The following EFTUD2 variants were observed in gnomAD, a reference collection of about 807,000 sequenced individuals.
The protein encoded by EFTUD2 is elongation factor Tu GTP binding domain containing 2.
Under a neutral mutation model 114.3 loss-of-function variants are expected in EFTUD2, and 9 were observed. That is an observed-to-expected ratio of 0.08 (90% CI 0.05 to 0.14). The LOEUF (loss-of-function observed/expected upper bound fraction) is 0.14. EFTUD2 is among the 10% of genes least tolerant of loss of function. EFTUD2 has a pLI of 1.00. For missense variants in EFTUD2, 765 were observed against 1,241.2 expected (o/e 0.62, Z 5.76); for synonymous variants, 449 against 462.3 (o/e 0.97, Z 0.37).
chr17:44,854,546 T>TCTG lies in EFTUD2; in HGVS notation c.2259+7_2259+9dup. The TCTG allele has an allele frequency of 6.2e-7, 1 of 1,612,602 alleles. No homozygotes were observed. Among genetic ancestry groups the TCTG allele is most frequent in the Non-Finnish European group, 8.5e-7 (1 of 1,179,022 alleles). ...AGACCGCCACCCAGTTCCCATCAGTTCTGCTGTACCTCAGAGGGCAGAGTA... is the reference window on the plus strand; with the variant it reads ...AGACCGCCACCCAGTTCCCATCAGTTCTGCTGCTGTACCTCAGAGGGCAGAGTA... On this transcript the variant is annotated intron_variant, in intron 22 of 27. Coordinates refer to ENST00000426333, the MANE Select transcript of EFTUD2 (RefSeq NM_004247.4). The surrounding 1 kb of genome is among the most constrained non-coding windows in gnomAD (Gnocchi z 4.3).
intron 2 of EFTUD2, among the ~76,000 whole-genome samples, chr17:44,887,810 C>T (rs183160926): frequency 4.6e-5 from 7 of 152,250 alleles, no homozygotes; most frequent in East Asian, 1.9e-4. Flanking sequence ...GTACACTTTA[C>T]AATTAAATAA....
At chr17:44,888,088 A>G (rs528850759) in intron 2 of EFTUD2, among the ~76,000 whole-genome samples, 54 of 152,340 alleles carry the variant, frequency 3.5e-4, no homozygotes, top group Non-Finnish European at 6.8e-4. Context: ...AGAGCATTCT[A>G]GTCGGCTGGT....
rs1182971593 is a variant in EFTUD2, at chr17:44,851,147, C to G, written c.*127G>C. 5 of 782,194 alleles carry G rather than the reference C, an allele frequency of 6.4e-6. No homozygotes were observed. Among genetic ancestry groups the G allele is most frequent in the Non-Finnish European group, 1.1e-5 (5 of 454,898 alleles). The allele number at this position is 782,194 out of a possible 1,614,324, so 48.5% of individuals were successfully genotyped here. On this transcript the variant is annotated 3_prime_UTR_variant, in exon 28 of 28. Coordinates refer to ENST00000426333, the MANE Select transcript of EFTUD2 (RefSeq NM_004247.4). ...CTGGGTTGGAGGTTGGTGAGTTGTT[C>G]AAGATGGCAACAGCAGCTTCCAGAC...
At chr17:44,885,467 CAT>C (rs1343641418) in intron 3 of EFTUD2, 133 bp from the exon 4 acceptor site, 40 of 621,532 alleles carry the variant, frequency 6.4e-5, no homozygotes, top group Non-Finnish European at 1.1e-4. Context: ...AAGGATCACT[CAT>C]ATGTTGAGAA....
intron 2 of EFTUD2, 102 bp downstream of exon 2, chr17:44,894,315 A>G: frequency 2.1e-6 from 2 of 942,200 alleles, no homozygotes; most frequent in Admixed American, 3.7e-5. Context: ...GGTTGCAGTG[A>G]GCTGAGATTG....
At position 44,889,012 on chromosome 17, in the gene EFTUD2, G is replaced by A. The variant is rs574385634; in HGVS notation, c.106-2262C>T. On this transcript the variant is annotated intron_variant, in intron 2 of 27. Coordinates refer to ENST00000426333, the MANE Select transcript of EFTUD2 (RefSeq NM_004247.4). ...GAAGACGTCTGAGGAATGGAGCCCCGGGCCTGCTGACATTTGGAGGTCAGG... is the reference window on the plus strand; with the variant it reads ...GAAGACGTCTGAGGAATGGAGCCCCAGGCCTGCTGACATTTGGAGGTCAGG... 2.6e-5 allele frequency among the ~76,000 whole-genome samples: 4 copies of A among 152,292 alleles called. No homozygotes were observed. In the South Asian group the frequency reaches 8.3e-4, roughly 32 times the overall value.
At chr17:44,882,631 T>C (rs1000027322) in intron 6 of EFTUD2, among the ~76,000 whole-genome samples, 4 of 152,198 alleles carry the variant, frequency 2.6e-5, no homozygotes, top group African/African-American at 7.2e-5. Flanking sequence ...CTTAGTGTGG[T>C]AAAGGGAGAC....
intron 16 of EFTUD2, among the ~76,000 whole-genome samples, chr17:44,861,212 G>A (rs1034002080): frequency 2.6e-5 from 4 of 151,582 alleles, no homozygotes; most frequent in Non-Finnish European, 4.4e-5. Context: ...AGGCTGAGGT[G>A]GGTGGCTGGA....
rs1045415785 is a variant in EFTUD2 at position 44,856,130 on chromosome 17, CAAAA to C, written c.2045+941_2045+944del. 3.7e-4 allele frequency among the ~76,000 whole-genome samples: 14 copies of C among 37,378 alleles called. No individual in the cohort carries two copies. The East Asian group carries it at 0.014, about 38-fold the overall frequency. 24.5% of individuals were successfully genotyped at this position (37,378 alleles called of 152,430 possible). ...TGGGTGACGAAGTGAGACCCTGTCT[CAAAA>C]AAAAAAAAAAAAAAAAAAAAGCCAC... On this transcript the variant is annotated intron_variant, in intron 20 of 27. Coordinates refer to ENST00000426333, the MANE Select transcript of EFTUD2 (RefSeq NM_004247.4).
chr17:44,863,882 G>A, intron 14 of EFTUD2, 100 bp from the exon 15 acceptor site: 1 of 1,482,120 alleles, frequency 6.7e-7, no homozygotes, highest in Non-Finnish European at 9.1e-7. Flanking sequence ...TCAAAGTGCG[G>A]GGACTGATTG....
intron 23 of EFTUD2, 192 bp from the exon 24 acceptor site, chr17:44,853,827 G>C (rs2050499245): frequency 7.0e-7 from 1 of 1,423,208 alleles, no homozygotes; most frequent in African/African-American, 1.4e-5. Context: ...TTAAGCATAT[G>C]TTCTTAGTGT....
At position 44,850,572 on chromosome 17, in the gene EFTUD2, TG is replaced by T; in HGVS notation, c.*701del. The T allele has an allele frequency of 1.8e-6, 1 of 550,410 alleles. No individual in the cohort carries two copies. 34.1% of individuals were successfully genotyped at this position (550,410 alleles called of 1,614,324 possible). A position where few individuals can be genotyped will look rare whatever the true frequency, so the allele number is the denominator to read the frequency against. On this transcript the variant is annotated 3_prime_UTR_variant, in exon 28 of 28. Coordinates refer to ENST00000426333, the MANE Select transcript of EFTUD2 (RefSeq NM_004247.4). ...TAAATGGCTGGAAATCAAAGTGCTCTGGCCCCCTACTCCAGGGCAAGGAAGA... is the reference window on the plus strand; with the variant it reads ...TAAATGGCTGGAAATCAAAGTGCTCTGCCCCCTACTCCAGGGCAAGGAAGA...
In EFTUD2 at chr17:44,894,474, C is replaced by T. The variant is rs746279184; in HGVS notation, c.48G>A (p.Glu16=). The T allele has an allele frequency of 6.2e-7, 1 of 1,614,218 alleles. No homozygotes were observed. The highest frequency in any genetic ancestry group is 8.5e-7 in the Non-Finnish European group (1 of 1,180,032). The part of the protein sequence containing the change: ...YDEFGNYIGP[E]LDSDEDDDEL... ...CATCATCATCTTCATCAGAATCAAG[C>T]TCTGGTCCAATATAATTCCCAAACT... Residue 16 remains glutamate, a synonymous_variant, in exon 2 of 28, where the codon GAG becomes GAA. Coordinates refer to ENST00000426333, the MANE Select transcript of EFTUD2 (RefSeq NM_004247.4).
chr17:44,867,599 C>T (rs962267063), intron 13 of EFTUD2, among the ~76,000 whole-genome samples: 1 of 151,856 alleles, frequency 6.6e-6, no homozygotes, highest in Non-Finnish European at 1.5e-5. Flanking sequence ...CATGCCCGGG[C>T]CCCTTTCCTT....
chr17:44,874,528 ATGGAGAGGCATTCTTTCAGT>A (rs1269295861), intron 10 of EFTUD2, among the ~76,000 whole-genome samples: 2 of 152,118 alleles, frequency 1.3e-5, no homozygotes, highest in Admixed American at 6.6e-5. Context: ...CAATCCTTAA[ATGGAGAGGCATTCTTTCAGT>A]TGGAGAGGCA....
rs780902273 is a variant in EFTUD2 at position 44,853,602 on chromosome 17, G to A, written c.2381C>T (p.Ala794Val). ...GTGCAGGGGCTCCTGGGCAACCACC[G>A]CATCCAGGATCTTAAACTTGACATT... ...IRNVKFKILD[A>V]VVAQEPLHRG... Residue 794 changes from alanine to valine, a missense_variant, in exon 24 of 28, where the codon GCG becomes GTG. Physicochemically the swap from Ala to Val is moderately conservative, Grantham distance 64. Coordinates refer to ENST00000426333, the MANE Select transcript of EFTUD2 (RefSeq NM_004247.4). The A allele has an allele frequency of 6.2e-7, 1 of 1,614,172 alleles. No homozygotes were observed. The highest frequency in any genetic ancestry group is 1.1e-5 in the South Asian group (1 of 91,086).
At chr17:44,884,840 T>C (rs1369433867) in intron 4 of EFTUD2, among the ~76,000 whole-genome samples, 1 of 152,152 alleles carries the variant, frequency 6.6e-6, no homozygotes, top group Non-Finnish European at 1.5e-5. Context: ...TGAGCCATGA[T>C]TGTGCCACTG....
chr17:44,865,208 A>G (rs2050723556), intron 13 of EFTUD2, 143 bp from the exon 14 acceptor site: 1 of 1,277,812 alleles, frequency 7.8e-7, no homozygotes, highest in African/African-American at 1.5e-5. Flanking sequence ...GGCAAGGACA[A>G]AAGTTTGGTT....
intron 16 of EFTUD2, 108 bp downstream of exon 16, chr17:44,862,605 G>T: frequency 9.0e-7 from 1 of 1,112,842 alleles, no homozygotes; most frequent in Non-Finnish European, 1.3e-6. Context: ...ATCCCCTCTT[G>T]CACAGAGCCT....
Sources: allele counts gnomAD v4.1 joint callset (sites outside exome capture counted in the v4.1 genomes callset), GRCh38; gene constraint gnomAD v4.1.1; non-coding constraint Gnocchi (gnomAD v3.1); transcripts MANE v1.5; gene names NCBI Gene and HGNC (gene_info 2026-07-23, HGNC 2026-07-21).